The following RBFOX1 variants were observed in gnomAD, a reference collection of about 807,000 sequenced individuals.
RBFOX1 encodes the protein RNA binding protein fox-1 homolog 1.
In RBFOX1, 8 loss-of-function variants were observed where a neutral mutation model predicts 57.7. The observed-to-expected ratio is 0.14, with a 90% CI of 0.08 to 0.25. The LOEUF is 0.25. Ranked by LOEUF, RBFOX1 falls within the 10% of genes least tolerant of loss-of-function variation. The pLI, the probability that RBFOX1 is intolerant of heterozygous loss-of-function variation, is 1.00. For synonymous variants in RBFOX1, 326 were observed against 222.4 expected, an observed-to-expected ratio of 1.47 and a Z score of -4.15; for missense variants, 611 against 548.5, an observed-to-expected ratio of 1.11 and a Z score of -1.14.
intron 4 of RBFOX1, among the ~76,000 whole-genome samples, chr16:5,964,769 A>G (rs1413677065): frequency 6.6e-6 from 1 of 151,954 alleles, no homozygotes; most frequent in African/African-American, 2.4e-5. Context: ...GTATATATAT[A>G]TATACACACA....
rs141434564 is a variant in RBFOX1, at chr16:6,805,247, A to C, written c.-16+150597A>C. Among the ~76,000 whole-genome samples, 19 of 152,306 alleles carry C rather than the reference A, an allele frequency of 1.2e-4. 1 individual carries two copies. Among genetic ancestry groups the C allele is most frequent in the African/African-American group, 4.6e-4 (19 of 41,584 alleles). ...GATCCTGTCTTTTGCAGGAACATGG[A>C]TGGAGCTTGAGGCCATTTTCCTTAG... On this transcript the variant is annotated intron_variant, in intron 3 of 15. Transcript: ENST00000550418.
At chr16:5,463,809 AAAAG>A (rs1027154427) in intron 1 of RBFOX1, among the ~76,000 whole-genome samples, 1 of 151,994 alleles carries the variant, frequency 6.6e-6, no homozygotes, top group Non-Finnish European at 1.5e-5. Flanking sequence ...AAAAAAAAAA[AAAAG>A]AAATAATAAA....
intron 4 of RBFOX1, among the ~76,000 whole-genome samples, chr16:7,186,950 G>A (rs1378533544): frequency 6.9e-6 from 1 of 145,292 alleles, no homozygotes; most frequent in Non-Finnish European, 1.5e-5. Flanking sequence ...TTGAGACTGG[G>A]AGTTTGAGAC....
intron 3 of RBFOX1, among the ~76,000 whole-genome samples, chr16:6,918,751 G>A (rs528122731): frequency 1.3e-5 from 2 of 152,126 alleles, no homozygotes; most frequent in Admixed American, 6.6e-5. Flanking sequence ...GCAGTCTCAC[G>A]TTGATATTAT....
At chr16:7,368,181 C>T (rs996593164) in intron 4 of RBFOX1, among the ~76,000 whole-genome samples, 9 of 150,138 alleles carry the variant, frequency 6.0e-5, no homozygotes, top group Admixed American at 2.7e-4. Context: ...GCAGGAGGAT[C>T]GCTTGAACCC....
At chr16:7,078,548 G>C (rs1035960583) in intron 4 of RBFOX1, among the ~76,000 whole-genome samples, 3 of 151,710 alleles carry the variant, frequency 2.0e-5, no homozygotes, top group Admixed American at 1.3e-4. Context: ...GGGTTTTGCC[G>C]TGTTGGCCAG....
intron 1 of RBFOX1, among the ~76,000 whole-genome samples, chr16:5,414,008 G>T (rs1291588870): frequency 1.3e-5 from 2 of 152,238 alleles, no homozygotes; most frequent in Non-Finnish European, 2.9e-5. Context: ...CTGGAAAGGT[G>T]TGAGTCATTT....
intron 1 of RBFOX1, among the ~76,000 whole-genome samples, chr16:5,259,761 G>T (rs544883814): frequency 2.0e-5 from 3 of 152,188 alleles, no homozygotes; most frequent in South Asian, 4.1e-4. Context: ...CCGGGTTATG[G>T]ATCAGCAGAG....
intron 1 of RBFOX1, among the ~76,000 whole-genome samples, chr16:5,450,503 G>A (rs893730850): frequency 7.2e-5 from 11 of 152,154 alleles, no homozygotes; most frequent in Admixed American, 6.5e-5. Flanking sequence ...CGTGTGGGGC[G>A]GGCCTCTCTG....
At chr16:6,728,849 A>T (rs1263334543) in intron 3 of RBFOX1, among the ~76,000 whole-genome samples, 1 of 152,184 alleles carries the variant, frequency 6.6e-6, no homozygotes, top group Non-Finnish European at 1.5e-5. Context: ...GTAGCATTCA[A>T]AACAGTGGCC....
intron 4 of RBFOX1, among the ~76,000 whole-genome samples, chr16:7,210,455 A>G (rs1367803822): frequency 6.6e-6 from 1 of 151,912 alleles, no homozygotes; most frequent in Admixed American, 6.5e-5. Flanking sequence ...ATTTCTTAAG[A>G]CAATCTACTT....
At position 6,921,000 on chromosome 16, in the gene RBFOX1, G is replaced by C. The variant is rs573361675; in HGVS notation, c.-15-131057G>C. Among the ~76,000 whole-genome samples the C allele has an allele frequency of 2.0e-5, 3 of 152,252 alleles. No homozygotes were observed. In the South Asian group the frequency reaches 6.2e-4, roughly 32 times the overall value. ...ATAGTTACTGGATAAGTTTGCCCTT[G>C]TTTGACTGGAACACAGTATCTCAAG... On this transcript the variant is annotated intron_variant, in intron 3 of 15. Transcript: ENST00000550418.
At position 7,711,957 on chromosome 16, in the gene RBFOX1, C is replaced by G. The variant is rs1379631194; in HGVS notation, c.*1212C>G. The G allele has an allele frequency of 1.3e-5, 2 of 152,494 alleles. No homozygotes were observed. The highest frequency in any genetic ancestry group is 3.9e-4 in the East Asian group (2 of 5,178). 9.4% of individuals were successfully genotyped at this position (152,494 alleles called of 1,614,324 possible). A position where few individuals can be genotyped will look rare whatever the true frequency, so the allele number is the denominator to read the frequency against. ...TGCCCTTCCACCTCTTTCCCATACC[C>G]CCAAGGATTATCTCAAAATGATCTC... On this transcript the variant is annotated 3_prime_UTR_variant, in exon 16 of 16. Coordinates refer to ENST00000550418, the MANE Select transcript of RBFOX1 (RefSeq NM_018723.4).
chr16:7,184,342 G>C (rs1468935650), intron 4 of RBFOX1, among the ~76,000 whole-genome samples: 1 of 152,190 alleles, frequency 6.6e-6, no homozygotes, highest in East Asian at 1.9e-4. Flanking sequence ...CTGTTCCTTA[G>C]CTGAAGAGAG....
At chr16:5,416,777 A>T (rs973505907) in intron 1 of RBFOX1, among the ~76,000 whole-genome samples, 2 of 151,930 alleles carry the variant, frequency 1.3e-5, no homozygotes, top group Admixed American at 6.6e-5. Flanking sequence ...ATTCATGCAG[A>T]TAGGAACAAA....
At chr16:6,388,273 T>C (rs2092409308) in intron 2 of RBFOX1, among the ~76,000 whole-genome samples, 1 of 151,944 alleles carries the variant, frequency 6.6e-6, no homozygotes, top group East Asian at 1.9e-4. Flanking sequence ...GTCCTGTCTG[T>C]GGAATTTTTA....
At chr16:6,010,684 G>T (rs2094956056) in intron 4 of RBFOX1, among the ~76,000 whole-genome samples, 2 of 152,342 alleles carry the variant, frequency 1.3e-5, no homozygotes, top group Non-Finnish European at 1.5e-5. Context: ...TGAAGTGGAT[G>T]TAAACATGCT....
intron 2 of RBFOX1, among the ~76,000 whole-genome samples, chr16:5,569,438 CTTTTTTTT>C (rs796279138): frequency 5.9e-4 from 29 of 49,178 alleles, no homozygotes; most frequent in African/African-American, 1.8e-3. Flanking sequence ...AAGAAGTAAC[CTTTTTTTT>C]TTTTTTTTTT....
chr16:5,377,648 G>C (rs1042937164), intron 1 of RBFOX1, among the ~76,000 whole-genome samples: 1 of 151,194 alleles, frequency 6.6e-6, no homozygotes, highest in Non-Finnish European at 1.5e-5. Flanking sequence ...GAGAATGAGA[G>C]AAGGCGGAGG....
Sources: gnomAD v4.1 joint callset for allele counts (sites outside exome capture counted in the v4.1 genomes callset) on GRCh38, gnomAD v4.1.1 for gene constraint, MANE v1.5 for transcripts, NCBI Gene and HGNC (gene_info 2026-07-23, HGNC 2026-07-21) for gene names.